TBC1D9: variants seen among roughly 807,000 people sequenced by gnomAD.
TBC1D9 encodes TBC1 domain family member 9.
Under a neutral mutation model 132.0 loss-of-function variants are expected in TBC1D9, and 63 were observed. That is an observed-to-expected ratio of 0.48 (90% CI 0.39 to 0.59). TBC1D9 has a LOEUF of 0.59. TBC1D9 is among the 20% of genes least tolerant of loss of function. The pLI is 0.00. For synonymous variants in TBC1D9, 610 were observed against 609.9 expected (o/e 1.00, Z 0.00); for missense variants, 1,261 against 1,592.7 (o/e 0.79, Z 3.54).
intron 1 of TBC1D9, among the ~76,000 whole-genome samples, chr4:140,751,446 C>G (rs1738922054): frequency 6.6e-6 from 1 of 152,126 alleles, no homozygotes; most frequent in Admixed American, 6.5e-5. Flanking sequence ...TCCCAGTGAT[C>G]TGTACATGTT....
At chr4:140,673,061 G>A (rs1052103445) in intron 6 of TBC1D9, among the ~76,000 whole-genome samples, 8 of 151,946 alleles carry the variant, frequency 5.3e-5, no homozygotes, top group Non-Finnish European at 1.2e-4. Flanking sequence ...TCAGGTGGCT[G>A]AGGCAGGACA....
chr4:140,622,522 G>A lies in TBC1D9; in HGVS notation c.3474C>T (p.Asp1158=), dbSNP rs763025261. Residue 1158 remains aspartate (D), a synonymous_variant, in exon 21 of 21, where the codon GAC becomes GAT. Transcript: ENST00000442267. ...CCGAGTATGAGGACATGGAGCTGTCGTCCTTGGTGTCGTCGTCAGAGATCA... is the reference window on the plus strand; with the variant it reads ...CCGAGTATGAGGACATGGAGCTGTCATCCTTGGTGTCGTCGTCAGAGATCA... ...SMLISDDDTK[D]DSSMSSYSVL... is the part of the protein sequence containing the mutation. The A allele has an allele frequency of 1.9e-5, 30 of 1,613,930 alleles. No individual in the cohort carries two copies. In the Middle Eastern group the frequency reaches 4.9e-4, roughly 27 times the overall value.
Position 140,686,344 on chromosome 4 carries a change from C to T in TBC1D9, c.360G>A (p.Gln120=). 6.8e-7 allele frequency: 1 copy of T among 1,469,822 alleles called. No homozygotes were observed. The highest frequency in any genetic ancestry group is 1.8e-5 in the Admixed American group (1 of 54,800). The allele number at this position is 1,469,822 out of a possible 1,614,324, so 91.0% of individuals were successfully genotyped here. A position where few individuals can be genotyped will look rare whatever the true frequency, so the allele number is the denominator to read the frequency against. The change falls in exon 3 of 21, where the codon CAG becomes CAA. Residue 120 remains glutamine (Q), a splice_region_variant and synonymous_variant. Coordinates refer to ENST00000442267, the MANE Select transcript of TBC1D9 (RefSeq NM_015130.3). ...AAATGTTTTTCTTTTATCCCACTAC[C>T]TGTATTTTTCCTCTCACAAATGTGG... ...DITTFVRGKI[Q]GIIAEYNKIN...
intron 13 of TBC1D9, chr4:140,644,778 GC>G: frequency 2.5e-6 from 1 of 401,148 alleles, no homozygotes; most frequent in East Asian, 6.6e-5. Flanking sequence ...ACAGGGCGGG[GC>G]AAAGGGGCAG....
chr4:140,751,089 G>C (rs1299807021), intron 1 of TBC1D9, among the ~76,000 whole-genome samples: 1 of 152,100 alleles, frequency 6.6e-6, no homozygotes, highest in Non-Finnish European at 1.5e-5. Flanking sequence ...CAAAGAACAA[G>C]ATAATAGAAC....
At chr4:140,686,856 T>C (rs1190142329) in intron 2 of TBC1D9, among the ~76,000 whole-genome samples, 2 of 152,176 alleles carry the variant, frequency 1.3e-5, no homozygotes, top group Non-Finnish European at 2.9e-5. Context: ...GTTACAGTTG[T>C]TAAGTTGCAA....
chr4:140,679,879 A>G (rs1737678627), intron 3 of TBC1D9, 36 bp from the exon 4 acceptor site: 1 of 1,538,830 alleles, frequency 6.5e-7, no homozygotes, highest in East Asian at 2.3e-5. Flanking sequence ...CACAACTGGT[A>G]TTAATATGAC....
Position 140,624,176 on chromosome 4 carries a change from C to T in TBC1D9, c.3018G>A (p.Leu1006=), listed in dbSNP as rs1303798705. The change falls in exon 20 of 21, where the codon CTG becomes CTA. Residue 1006 remains leucine, a synonymous_variant. Transcript: ENST00000442267. ...ACTTAGATTTATTTTCTGGAGTCCA[C>T]AGTCTCAAATAATTACGATTTTCTT... The part of the protein sequence containing the change: ...NSQENRNYLR[L]WTPENKSKSK... 4 of 1,611,994 alleles carry T rather than the reference C, an allele frequency of 2.5e-6. No homozygotes were observed. The highest frequency in any genetic ancestry group is 3.4e-6 in the Non-Finnish European group (4 of 1,178,934).
At chr4:140,658,332 T>A (rs1282978935) in intron 11 of TBC1D9, among the ~76,000 whole-genome samples, 4 of 152,184 alleles carry the variant, frequency 2.6e-5, no homozygotes, top group Non-Finnish European at 5.9e-5. Flanking sequence ...CTGTATAGCA[T>A]GTTACTGTAC....
chr4:140,687,912 C>T (rs1041526365), intron 2 of TBC1D9, among the ~76,000 whole-genome samples: 3 of 151,828 alleles, frequency 2.0e-5, no homozygotes, highest in African/African-American at 7.3e-5. Flanking sequence ...ATGGGGAGAC[C>T]CAGTTTCTAC....
chr4:140,654,486 C>A (rs1485051249), intron 13 of TBC1D9, among the ~76,000 whole-genome samples: 2 of 147,892 alleles, frequency 1.4e-5, no homozygotes, highest in African/African-American at 2.5e-5. Context: ...GGGGGGGGTA[C>A]TACGAATTAA....
intron 18 of TBC1D9, among the ~76,000 whole-genome samples, chr4:140,626,261 C>T (rs773601242): frequency 6.6e-6 from 1 of 152,020 alleles, no homozygotes; most frequent in African/African-American, 2.4e-5. Flanking sequence ...TTATTAGGTC[C>T]TAATTACACC....
rs372203785 is a variant in TBC1D9, at chr4:140,661,149, C to T, written c.1803+744G>A. Among the ~76,000 whole-genome samples, 84 of 152,262 alleles carry T rather than the reference C, an allele frequency of 5.5e-4. 1 individual carries two copies. Among genetic ancestry groups the T allele is most frequent in the African/African-American group, 1.9e-3 (81 of 41,562 alleles). On this transcript the variant is annotated intron_variant, in intron 10 of 20. Transcript: ENST00000442267. ...CAGGATGGTCTCGATCTCCTGACCT[C>T]GTGATCCTCCGGCCTTGGCTTACCA... is the stretch of plus-strand genomic sequence containing the variant.
intron 6 of TBC1D9, among the ~76,000 whole-genome samples, chr4:140,675,915 GC>G (rs1197999366): frequency 6.6e-6 from 1 of 152,122 alleles, no homozygotes; most frequent in Non-Finnish European, 1.5e-5. Flanking sequence ...CATCTTGGGG[GC>G]CTTGCTGACC....
At chr4:140,689,600 TTCC>T (rs1437183855) in intron 2 of TBC1D9, among the ~76,000 whole-genome samples, 1 of 76,022 alleles carries the variant, frequency 1.3e-5, no homozygotes, top group African/African-American at 5.5e-5. Flanking sequence ...TTTTCTTCCC[TTCC>T]TCCTACCTCC....
At position 140,685,751 on chromosome 4, in the gene TBC1D9, G is replaced by A. The variant is rs144542432; in HGVS notation, c.360+593C>T. On this transcript the variant is annotated intron_variant, in intron 3 of 20. Coordinates refer to ENST00000442267, the MANE Select transcript of TBC1D9 (RefSeq NM_015130.3). ...GTGTTGTTATTTAATAGAATATCCC[G>A]CATGTTCTCATTCACATGTGGGAGC... 7.2e-5 allele frequency among the ~76,000 whole-genome samples: 11 copies of A among 152,242 alleles called. No homozygotes were observed. In the East Asian group the frequency reaches 1.5e-3, roughly 21 times the overall value.
At chr4:140,653,377 C>T (rs1737216099) in intron 13 of TBC1D9, among the ~76,000 whole-genome samples, 1 of 152,170 alleles carries the variant, frequency 6.6e-6, no homozygotes. Context: ...TGAGCCCAAA[C>T]CAGATTCTTA....
chr4:140,650,836 CT>C (rs1737177877), intron 13 of TBC1D9, among the ~76,000 whole-genome samples: 1 of 152,106 alleles, frequency 6.6e-6, no homozygotes, highest in Non-Finnish European at 1.5e-5. Flanking sequence ...TGCCTGGCCT[CT>C]ATTTTCTTTA....
At chr4:140,682,258 C>A (rs969995351) in intron 3 of TBC1D9, among the ~76,000 whole-genome samples, 5 of 152,080 alleles carry the variant, frequency 3.3e-5, no homozygotes, top group Non-Finnish European at 7.4e-5. Flanking sequence ...CAATGTGCTT[C>A]CCTGGAAAAA....
Sources: gnomAD v4.1 joint callset for allele counts (sites outside exome capture counted in the v4.1 genomes callset) on GRCh38, gnomAD v4.1.1 for gene constraint, MANE v1.5 for transcripts, NCBI Gene and HGNC (gene_info 2026-07-23, HGNC 2026-07-21) for gene names.